The following KCNG4 variants were observed in gnomAD, a reference collection of about 807,000 sequenced individuals.
The protein encoded by KCNG4 is potassium voltage-gated channel modifier subfamily G member 4.
In KCNG4, 30 loss-of-function variants were observed where a neutral mutation model predicts 28.2. The observed-to-expected ratio is 1.06, with a 90% CI of 0.80 to 1.44. The LOEUF (loss-of-function observed/expected upper bound fraction) is 1.44. Ranked by LOEUF, KCNG4 falls within the 40% of genes most tolerant of loss-of-function variation. KCNG4 has a pLI of 0.00. For missense variants in KCNG4, 879 were observed against 712.3 expected, an observed-to-expected ratio of 1.23 and a Z score of -2.66; for synonymous variants, 375 against 315.5, an observed-to-expected ratio of 1.19 and a Z score of -2.00.
At chr16:84,228,498 G>T (rs1398304982) in intron 2 of KCNG4, among the ~76,000 whole-genome samples, 1 of 151,946 alleles carries the variant, frequency 6.6e-6, no homozygotes, top group Admixed American at 6.6e-5. Context: ...CTTTTCTCTC[G>T]GCCAGCCGTG....
At position 84,223,010 on chromosome 16, in the gene KCNG4, G is replaced by A. The variant is rs1406492457; in HGVS notation, c.767C>T (p.Ser256Phe). ...LRAEEDQGECSRKCYYIFIVE... is the reference protein window; with the variant it reads ...LRAEEDQGECFRKCYYIFIVE... Reference sequence around the variant, plus strand: ...GATGAAAATATAGTAGCACTTCCGAGAGCATTCGCCCTGCGGGGAGAAGAG... The same window carrying A: ...GATGAAAATATAGTAGCACTTCCGAAAGCATTCGCCCTGCGGGGAGAAGAG... The change falls in exon 3 of 3, where the codon TCT becomes TTT. Residue 256 changes from serine to phenylalanine, a missense_variant. Coordinates refer to ENST00000308251, the MANE Select transcript of KCNG4 (RefSeq NM_172347.3). 1 of 1,526,634 alleles carries A rather than the reference G, an allele frequency of 6.6e-7. No individual in the cohort carries two copies. Among genetic ancestry groups the A allele is most frequent in the African/African-American group, 1.4e-5 (1 of 72,106 alleles). 94.6% of individuals were successfully genotyped at this position (1,526,634 alleles called of 1,614,324 possible). A position where few individuals can be genotyped will look rare whatever the true frequency, so the allele number is the denominator to read the frequency against.
In KCNG4 at chr16:84,222,404, G is replaced by C. The variant is rs141788420; in HGVS notation, c.1373C>G (p.Ser458Cys). The stretch of plus-strand genomic sequence containing the variant: ...CTTCTTGAGCTCCAGGTAGGAGTGG[G>C]AGAAGGTGTGGAAGATAGACGTGGC... ...FPATSIFHTFSHSYLELKKEQ... is the reference protein window; with the variant it reads ...FPATSIFHTFCHSYLELKKEQ... The change falls in exon 3 of 3, where the codon TCC becomes TGC. Residue 458 changes from serine (S) to cysteine (C), a missense_variant. By Grantham distance (112) the Ser-to-Cys change is moderately radical. Coordinates refer to ENST00000308251, the MANE Select transcript of KCNG4 (RefSeq NM_172347.3). 18 of 1,614,080 alleles carry C rather than the reference G, an allele frequency of 1.1e-5. No homozygotes were observed. The highest frequency in any genetic ancestry group is 1.7e-5 in the Admixed American group (1 of 60,004).
At chr16:84,228,320 A>G (rs1904742812) in intron 2 of KCNG4, among the ~76,000 whole-genome samples, 1 of 152,084 alleles carries the variant, frequency 6.6e-6, no homozygotes, top group Non-Finnish European at 1.5e-5. Context: ...GCAGCTCCTT[A>G]GTCAGGGCTG....
chr16:84,223,646 G>A (rs1396691623), intron 2 of KCNG4, among the ~76,000 whole-genome samples: 1 of 152,102 alleles, frequency 6.6e-6, no homozygotes, highest in African/African-American at 2.4e-5. Context: ...CCATTTGATG[G>A]CCCAGGAAGT....
chr16:84,236,607 G>T, intron 2 of KCNG4, 123 bp downstream of exon 2: 4 of 1,040,480 alleles, frequency 3.8e-6, no homozygotes, highest in Non-Finnish European at 4.1e-6. Flanking sequence ...AACCCATGTT[G>T]GATAATATTC....
chr16:84,224,352 C>T (rs190008455), intron 2 of KCNG4, among the ~76,000 whole-genome samples: 192 of 151,728 alleles, frequency 1.3e-3, no homozygotes, highest in Admixed American at 3.3e-3. Context: ...CCAGAACCCC[C>T]ATGGATAATT....
rs779022262 is a variant in KCNG4, at chr16:84,237,511, G to A, written c.-26C>T. The A allele has an allele frequency of 1.8e-5, 27 of 1,469,022 alleles. No individual in the cohort carries two copies. The highest frequency in any genetic ancestry group is 4.7e-5 in the South Asian group (3 of 63,386). 91.0% of individuals were successfully genotyped at this position (1,469,022 alleles called of 1,614,324 possible). On this transcript the variant is annotated 5_prime_UTR_variant, in exon 2 of 3. Coordinates refer to ENST00000308251, the MANE Select transcript of KCNG4 (RefSeq NM_172347.3). Reference sequence around the variant, plus strand: ...TGCTGAAGACCACCAGGTAGGAAGCGCTGGGTTTACCAGTCTGACACCCAA... The same window carrying A: ...TGCTGAAGACCACCAGGTAGGAAGCACTGGGTTTACCAGTCTGACACCCAA...
chr16:84,223,613 T>C (rs1904630455), intron 2 of KCNG4, among the ~76,000 whole-genome samples: 1 of 152,122 alleles, frequency 6.6e-6, no homozygotes, highest in Non-Finnish European at 1.5e-5. Flanking sequence ...CACATAGCAA[T>C]GTTATGAGCA....
intron 2 of KCNG4, among the ~76,000 whole-genome samples, chr16:84,232,535 G>T (rs1011914064): frequency 1.3e-5 from 2 of 152,164 alleles, no homozygotes; most frequent in East Asian, 3.8e-4. Flanking sequence ...GATTGTGATT[G>T]TACTAAATGC....
intron 1 of KCNG4, 137 bp downstream of exon 1, chr16:84,239,533 A>G (rs1905051328): frequency 6.6e-6 from 1 of 152,194 alleles, no homozygotes; most frequent in Non-Finnish European, 1.5e-5. Flanking sequence ...CAGCTGGCAA[A>G]CAGCTCCTTC....
At chr16:84,234,423 C>G (rs886192217) in intron 2 of KCNG4, among the ~76,000 whole-genome samples, 29 of 152,244 alleles carry the variant, frequency 1.9e-4, no homozygotes, top group African/African-American at 7.0e-4. Flanking sequence ...AGGAGATCCA[C>G]CCACCTCGGC....
At chr16:84,231,520 G>A (rs947614063) in intron 2 of KCNG4, among the ~76,000 whole-genome samples, 1 of 152,178 alleles carries the variant, frequency 6.6e-6, no homozygotes, top group African/African-American at 2.4e-5. Flanking sequence ...GACAATGAAG[G>A]CAGAGGGAAA....
intron 2 of KCNG4, among the ~76,000 whole-genome samples, chr16:84,223,250 C>G (rs1904622501): frequency 6.6e-6 from 1 of 152,118 alleles, no homozygotes; most frequent in Non-Finnish European, 1.5e-5. Context: ...ATGACTAAGT[C>G]CTCACCTCCG....
chr16:84,223,416 G>A (rs902147062), intron 2 of KCNG4, among the ~76,000 whole-genome samples: 11 of 152,160 alleles, frequency 7.2e-5, no homozygotes, highest in Non-Finnish European at 1.5e-4. Context: ...ACATCAAGGC[G>A]GGAGAATCTG....
intron 2 of KCNG4, among the ~76,000 whole-genome samples, chr16:84,224,413 C>CACACACAT (rs377211621): frequency 0.063 from 8,846 of 140,414 alleles, 329 homozygotes; most frequent in Middle Eastern, 0.12. Context: ...TACACACACA[C>CACACACAT]ACACACACAC....
rs1052198165 is a variant in KCNG4, at chr16:84,228,642, A to C, written c.757-5622T>G. Among the ~76,000 whole-genome samples the C allele has an allele frequency of 9.5e-4, 89 of 93,354 alleles. 1 individual carries two copies. The highest frequency in any genetic ancestry group is 9.3e-3 in the Admixed American group (80 of 8,602). The allele number at this position is 93,354 out of a possible 152,430, so 61.2% of individuals were successfully genotyped here. ...CCCACTCCTTCTAGCAGCTGTCCCC[A>C]CTTCCCAACCCTGGGACACAAGGGC... On this transcript the variant is annotated intron_variant, in intron 2 of 2. Coordinates refer to ENST00000308251, the MANE Select transcript of KCNG4 (RefSeq NM_172347.3).
chr16:84,225,274 G>T (rs1044098033), intron 2 of KCNG4, among the ~76,000 whole-genome samples: 1 of 151,796 alleles, frequency 6.6e-6, no homozygotes, highest in African/African-American at 2.4e-5. Context: ...GAAGTTTTGG[G>T]TTCTGATTCC....
At chr16:84,234,619 A>C (rs1904903781) in intron 2 of KCNG4, among the ~76,000 whole-genome samples, 1 of 152,338 alleles carries the variant, frequency 6.6e-6, no homozygotes, top group South Asian at 2.1e-4. Flanking sequence ...CTGATGGAAG[A>C]GTTCTGTGGG....
At chr16:84,232,285 A>G (rs540498931) in intron 2 of KCNG4, among the ~76,000 whole-genome samples, 3 of 152,344 alleles carry the variant, frequency 2.0e-5, no homozygotes, top group Admixed American at 6.5e-5. Context: ...GGCACAGTGC[A>G]TGGACCTTGA....
Sources: allele counts gnomAD v4.1 joint callset (sites outside exome capture counted in the v4.1 genomes callset), GRCh38; gene constraint gnomAD v4.1.1; transcripts MANE v1.5; gene names NCBI Gene and HGNC (gene_info 2026-07-23, HGNC 2026-07-21).